ZNF536: variants seen among roughly 807,000 people sequenced by gnomAD.
ZNF536 encodes the protein zinc finger protein 536.
ZNF536 carries 13 observed loss-of-function variants against 84.5 expected under a neutral mutation model. The ratio of observed to expected loss-of-function variants is 0.15; its 90% CI spans 0.10 to 0.24. The LOEUF is 0.24. Among genes scored for constraint, ZNF536 ranks in the 10% least tolerant of loss-of-function variants. The pLI, the probability that ZNF536 is intolerant of heterozygous loss-of-function variation, is 1.00. For missense variants in ZNF536, 1,536 were observed against 1,747.5 expected (o/e 0.88, Z 2.16); for synonymous variants, 811 against 742.5 (o/e 1.09, Z -1.50).
At chr19:30,355,813 T>C (rs2048076281) in intron 3 of ZNF536, among the ~76,000 whole-genome samples, 1 of 152,152 alleles carries the variant, frequency 6.6e-6, no homozygotes, top group African/African-American at 2.4e-5. Flanking sequence ...GTGAGGGATC[T>C]AGGTTGCGTG....
At chr19:30,302,167 T>A (rs918720508) in intron 2 of ZNF536, among the ~76,000 whole-genome samples, 4 of 152,220 alleles carry the variant, frequency 2.6e-5, no homozygotes, top group African/African-American at 9.6e-5. Context: ...CATGGAGCAC[T>A]GGTGCAATGA....
intron 1 of ZNF536, among the ~76,000 whole-genome samples, chr19:30,436,744 A>G (rs1055980443): frequency 7.9e-5 from 12 of 152,208 alleles, no homozygotes; most frequent in African/African-American, 2.9e-4. Context: ...TACTGTCAGC[A>G]TAAGAAAGCA....
At position 30,548,118 on chromosome 19, in the gene ZNF536, C is replaced by T. The variant is rs2146183543; in HGVS notation, c.2499C>T (p.Ile833=). The part of the protein sequence containing the change: ...DEMSSKASLF[I]RPDILRGAFK... ...TGTCAAGCAAAGCTTCTCTGTTCATCAGGCCAGACATCCTGAGGGGGGCCT... is the reference window on the plus strand; with the variant it reads ...TGTCAAGCAAAGCTTCTCTGTTCATTAGGCCAGACATCCTGAGGGGGGCCT... The change falls in exon 4 of 5, where the codon ATC becomes ATT. Residue 833 remains isoleucine, a synonymous_variant. Coordinates refer to ENST00000355537, the MANE Select transcript of ZNF536 (RefSeq NM_014717.3). 6.2e-7 allele frequency: 1 copy of T among 1,614,018 alleles called. No individual in the cohort carries two copies. The highest frequency in any genetic ancestry group is 2.2e-5 in the East Asian group (1 of 44,868).
chr19:30,310,351 A>T (rs1397174396), intron 2 of ZNF536, among the ~76,000 whole-genome samples: 1 of 152,224 alleles, frequency 6.6e-6, no homozygotes, highest in Non-Finnish European at 1.5e-5. Flanking sequence ...AAATGAGCAC[A>T]GATGGTGATG....
chr19:30,479,380 A>G (rs1356861392), intron 2 of ZNF536, among the ~76,000 whole-genome samples: 1 of 152,204 alleles, frequency 6.6e-6, no homozygotes. Flanking sequence ...GCTGAAAGTC[A>G]GTCACGTGGC....
At chr19:30,543,042 G>A (rs1159198979) in intron 3 of ZNF536, among the ~76,000 whole-genome samples, 6 of 152,102 alleles carry the variant, frequency 3.9e-5, no homozygotes, top group Admixed American at 3.3e-4. Flanking sequence ...AAACTCCTGG[G>A]CCCAAGTGAT....
chr19:30,486,013 G>A (rs2054289599), intron 2 of ZNF536, among the ~76,000 whole-genome samples: 1 of 152,094 alleles, frequency 6.6e-6, no homozygotes, highest in Non-Finnish European at 1.5e-5. Context: ...GTGGGGGTTG[G>A]CGTCACTATT....
intron 1 of ZNF536, among the ~76,000 whole-genome samples, chr19:30,705,398 TTA>T (rs1022496340): frequency 9.2e-5 from 14 of 151,966 alleles, no homozygotes; most frequent in African/African-American, 3.1e-4. Flanking sequence ...AACTAACACA[TTA>T]TGTGTGTGTG....
chr19:30,383,753 CTTTCTCTTTCT>C (rs1568376877), intron 1 of ZNF536, among the ~76,000 whole-genome samples: 4 of 5,384 alleles, frequency 7.4e-4, no homozygotes, highest in African/African-American at 2.4e-3. Context: ...CTCTTTCTTT[CTTTCTCTTTCT>C]TTCTTTCTTT....
At chr19:30,327,037 C>G (rs1402564590) in intron 2 of ZNF536, among the ~76,000 whole-genome samples, 1 of 151,910 alleles carries the variant, frequency 6.6e-6, no homozygotes, top group African/African-American at 2.4e-5. Context: ...GTTGCTTCAG[C>G]CCAGCAATAA....
intron 1 of ZNF536, among the ~76,000 whole-genome samples, chr19:30,392,474 G>A (rs145481766): frequency 6.6e-6 from 1 of 152,240 alleles, no homozygotes; most frequent in East Asian, 1.9e-4. Context: ...CTGCACCACC[G>A]CCCGGCAGCA....
At chr19:30,527,138 C>T (rs758939137) in intron 2 of ZNF536, among the ~76,000 whole-genome samples, 9 of 150,068 alleles carry the variant, frequency 6.0e-5, no homozygotes, top group Non-Finnish European at 8.9e-5. Context: ...AGGTTGGTCT[C>T]GAACTCCTGA....
chr19:30,591,890 A>C (rs1278357269), intron 1 of ZNF536, among the ~76,000 whole-genome samples: 1 of 152,136 alleles, frequency 6.6e-6, no homozygotes, highest in East Asian at 1.9e-4. Context: ...AAAGCTTAGT[A>C]CTCACATACT....
At chr19:30,487,494 G>A (rs1053024184) in intron 2 of ZNF536, among the ~76,000 whole-genome samples, 2 of 152,014 alleles carry the variant, frequency 1.3e-5, no homozygotes, top group Non-Finnish European at 2.9e-5. Flanking sequence ...GGGCTTTAAG[G>A]CATAGAACTG....
At chr19:30,625,665 A>C (rs773708857) in intron 1 of ZNF536, among the ~76,000 whole-genome samples, 2 of 152,226 alleles carry the variant, frequency 1.3e-5, no homozygotes, top group African/African-American at 4.8e-5. Context: ...TCTAATCTCC[A>C]GGATCCCTCA....
At chr19:30,482,292 G>A (rs2054122632) in intron 2 of ZNF536, among the ~76,000 whole-genome samples, 1 of 152,194 alleles carries the variant, frequency 6.6e-6, no homozygotes, top group African/African-American at 2.4e-5. Context: ...TCTCGTAACA[G>A]GTAACAGCTT....
At chr19:30,507,891 A>G (rs765166254) in intron 2 of ZNF536, among the ~76,000 whole-genome samples, 2 of 152,268 alleles carry the variant, frequency 1.3e-5, no homozygotes, top group Admixed American at 6.5e-5. Context: ...TTTCTTTCTC[A>G]GGTATTATCA....
intron 1 of ZNF536, among the ~76,000 whole-genome samples, chr19:30,394,762 C>A (rs908622891): frequency 3.9e-5 from 6 of 152,194 alleles, no homozygotes; most frequent in Admixed American, 1.3e-4. Context: ...ACTGGACTTA[C>A]ACAATCTAGT....
chr19:30,408,062 G>C (rs1263609976), intron 1 of ZNF536, among the ~76,000 whole-genome samples: 1 of 152,138 alleles, frequency 6.6e-6, no homozygotes, highest in Non-Finnish European at 1.5e-5. Context: ...GGGGTCTCAG[G>C]CATATACTTT....
Sources: allele counts gnomAD v4.1 joint callset (sites outside exome capture counted in the v4.1 genomes callset), GRCh38; gene constraint gnomAD v4.1.1; transcripts MANE v1.5; gene names NCBI Gene and HGNC (gene_info 2026-07-23, HGNC 2026-07-21).